Variants in SH3RF3 observed in about 807,000 individuals in gnomAD.
The protein encoded by SH3RF3 is E3 ubiquitin-protein ligase SH3RF3.
SH3RF3 carries 29 observed loss-of-function variants against 66.3 expected under a neutral mutation model. The observed-to-expected ratio is 0.44, with a 90% CI of 0.33 to 0.60. SH3RF3 has a LOEUF of 0.60. SH3RF3 is among the 20% of genes least tolerant of loss of function. The probability of loss-of-function intolerance (pLI) is 0.04; values close to 1 mark genes in which losing one functional copy is unlikely to be tolerated. For missense variants in SH3RF3, 1,194 were observed against 1,190.9 expected (o/e 1.00, Z -0.04); for synonymous variants, 583 against 532.0 (o/e 1.10, Z -1.32).
intron 1 of SH3RF3, among the ~76,000 whole-genome samples, chr2:109,133,078 G>A (rs112125709): frequency 6.6e-6 from 1 of 152,210 alleles, no homozygotes; most frequent in Admixed American, 6.5e-5. Flanking sequence ...TCTGGATGGA[G>A]CTGACAGTAG....
chr2:109,337,158 GA>G (rs1682440846), intron 1 of SH3RF3, among the ~76,000 whole-genome samples: 2 of 152,174 alleles, frequency 1.3e-5, no homozygotes, highest in South Asian at 4.1e-4. Flanking sequence ...AGGGAGGTAC[GA>G]ACTGGCTCAT....
At chr2:109,415,061 C>T (rs1006467769) in intron 4 of SH3RF3, among the ~76,000 whole-genome samples, 2 of 152,136 alleles carry the variant, frequency 1.3e-5, no homozygotes, top group Admixed American at 1.3e-4. Flanking sequence ...GAAGCAGAGG[C>T]TAGAGAGAGG....
chr2:109,340,531 C>T (rs1057142237), intron 1 of SH3RF3, among the ~76,000 whole-genome samples: 1 of 152,206 alleles, frequency 6.6e-6, no homozygotes, highest in Non-Finnish European at 1.5e-5. Context: ...TCAGTTCTCC[C>T]ATCTGACTTT....
intron 1 of SH3RF3, among the ~76,000 whole-genome samples, chr2:109,317,653 T>A (rs1023510839): frequency 2.6e-5 from 4 of 152,190 alleles, no homozygotes; most frequent in Non-Finnish European, 4.4e-5. Flanking sequence ...TGGCTGAGTT[T>A]AAATGACTTC....
intron 8 of SH3RF3, among the ~76,000 whole-genome samples, chr2:109,457,149 A>G (rs184980853): frequency 6.6e-6 from 1 of 152,362 alleles, no homozygotes; most frequent in Admixed American, 6.5e-5. Flanking sequence ...TGTTGGGAGT[A>G]GTAAATTTAG....
intron 5 of SH3RF3, among the ~76,000 whole-genome samples, chr2:109,423,652 G>A (rs73955587): frequency 0.052 from 7,920 of 152,198 alleles, 720 homozygotes; most frequent in African/African-American, 0.18. Flanking sequence ...CGAAATCACC[G>A]GGTACTGCCC....
chr2:109,476,318 C>A (rs1156597191), intron 8 of SH3RF3, among the ~76,000 whole-genome samples: 5 of 152,168 alleles, frequency 3.3e-5, no homozygotes, highest in Non-Finnish European at 7.4e-5. Flanking sequence ...CAAATGAGAT[C>A]ATGTATGTGT....
chr2:109,307,162 G>A (rs1186482605), intron 1 of SH3RF3, among the ~76,000 whole-genome samples: 1 of 152,220 alleles, frequency 6.6e-6, no homozygotes, highest in Non-Finnish European at 1.5e-5. Flanking sequence ...CTTCATGAGG[G>A]AACATTCACA....
At chr2:109,213,454 C>T (rs1305860813) in intron 1 of SH3RF3, among the ~76,000 whole-genome samples, 1 of 152,174 alleles carries the variant, frequency 6.6e-6, no homozygotes. Context: ...GGACACTTCC[C>T]CTTATATCTC....
At chr2:109,381,006 A>C (rs1675635966) in intron 3 of SH3RF3, among the ~76,000 whole-genome samples, 3 of 152,324 alleles carry the variant, frequency 2.0e-5, no homozygotes, top group Non-Finnish European at 4.4e-5. Flanking sequence ...AAAATGGACT[A>C]CCTGTGTTGG....
chr2:109,263,667 T>G (rs998481879), intron 1 of SH3RF3, among the ~76,000 whole-genome samples: 1 of 152,152 alleles, frequency 6.6e-6, no homozygotes, highest in Non-Finnish European at 1.5e-5. Context: ...ACTGTACTAT[T>G]AATAGAAAGG....
intron 7 of SH3RF3, among the ~76,000 whole-genome samples, chr2:109,441,681 A>G (rs528331877): frequency 2.0e-5 from 3 of 152,360 alleles, no homozygotes; most frequent in African/African-American, 7.2e-5. Context: ...AACCACAAAC[A>G]CAGTTTCAAA....
At chr2:109,336,989 C>G (rs918389601) in intron 1 of SH3RF3, among the ~76,000 whole-genome samples, 1 of 152,192 alleles carries the variant, frequency 6.6e-6, no homozygotes, top group Admixed American at 6.5e-5. Context: ...CAGACAAATG[C>G]AATATCTATG....
At chr2:109,487,852 G>A (rs932574194) in intron 8 of SH3RF3, among the ~76,000 whole-genome samples, 8 of 152,236 alleles carry the variant, frequency 5.3e-5, no homozygotes, top group Non-Finnish European at 1.5e-5. Context: ...TTGAATGCCT[G>A]TTGTGTTCTC....
chr2:109,180,330 C>CT (rs1316272742), intron 1 of SH3RF3, among the ~76,000 whole-genome samples: 1 of 152,134 alleles, frequency 6.6e-6, no homozygotes, highest in African/African-American at 2.4e-5. Context: ...GACTTTTTCT[C>CT]TGTTTCCTGA....
chr2:109,385,847 G>A lies in SH3RF3; in HGVS notation c.946-12743G>A, dbSNP rs377602032. Among the ~76,000 whole-genome samples the A allele has an allele frequency of 4.5e-4, 68 of 152,312 alleles. 1 individual carries two copies. The East Asian group carries it at 4.8e-3, about 11-fold the overall frequency. The stretch of plus-strand genomic sequence containing the variant: ...TAAACCCAGGAGGTCAAATTTACAC[G>A]TCCATAAAGCCTTTTGTATTTAAAA... On this transcript the variant is annotated intron_variant, in intron 3 of 9. Coordinates refer to ENST00000309415, the MANE Select transcript of SH3RF3 (RefSeq NM_001099289.3).
intron 1 of SH3RF3, among the ~76,000 whole-genome samples, chr2:109,131,836 T>G (rs1416609459): frequency 6.6e-6 from 1 of 152,238 alleles, no homozygotes; most frequent in Non-Finnish European, 1.5e-5. Context: ...TTTGTGTTTT[T>G]GGGATGTTTC....
At chr2:109,439,328 G>T (rs1378676171) in intron 7 of SH3RF3, among the ~76,000 whole-genome samples, 2 of 152,094 alleles carry the variant, frequency 1.3e-5, no homozygotes, top group Non-Finnish European at 1.5e-5. Context: ...CGCTATTGCT[G>T]TCACAGCCAG....
chr2:109,174,580 T>C (rs1424291325), intron 1 of SH3RF3, among the ~76,000 whole-genome samples: 1 of 152,170 alleles, frequency 6.6e-6, no homozygotes, highest in Non-Finnish European at 1.5e-5. Flanking sequence ...ATTCCCTCCA[T>C]TGTGGCTATG....
Sources: gnomAD v4.1 joint callset for allele counts (sites outside exome capture counted in the v4.1 genomes callset) on GRCh38, gnomAD v4.1.1 for gene constraint, MANE v1.5 for transcripts, NCBI Gene and HGNC (gene_info 2026-07-23, HGNC 2026-07-21) for gene names.